The following AKR1A1 variants were observed in gnomAD, a reference collection of about 807,000 sequenced individuals.
AKR1A1 encodes the protein aldo-keto reductase family 1 member A1.
In AKR1A1, 26 loss-of-function variants were observed where a neutral mutation model predicts 39.2. The ratio of observed to expected loss-of-function variants is 0.66; its 90% CI spans 0.49 to 0.92. AKR1A1 has a LOEUF of 0.92. Among genes scored for constraint, AKR1A1 ranks in the 40% least tolerant of loss-of-function variants. The pLI, the probability that AKR1A1 is intolerant of heterozygous loss-of-function variation, is 0.00. For missense variants in AKR1A1, 378 were observed against 406.5 expected (o/e 0.93, Z 0.60); for synonymous variants, 141 against 155.5 (o/e 0.91, Z 0.69).
chr1:45,553,926 C>T (rs1043102550), intron 1 of AKR1A1, among the ~76,000 whole-genome samples: 3 of 151,516 alleles, frequency 2.0e-5, no homozygotes, highest in East Asian at 3.9e-4. Flanking sequence ...ACCCGGGAGG[C>T]GGAGCTTGCA....
At chr1:45,557,370 A>G (rs1644218701) in intron 1 of AKR1A1, among the ~76,000 whole-genome samples, 3 of 151,938 alleles carry the variant, frequency 2.0e-5, no homozygotes. Flanking sequence ...TTTCTGTCCT[A>G]GAGAAAAACA....
chr1:45,563,369 C>T (rs958989344), intron 2 of AKR1A1, among the ~76,000 whole-genome samples: 2 of 152,108 alleles, frequency 1.3e-5, no homozygotes, highest in African/African-American at 4.8e-5. Context: ...CACTGCACTC[C>T]AGCCTAGGCA....
chr1:45,566,077 C>T (rs1341724386), intron 2 of AKR1A1, among the ~76,000 whole-genome samples: 2 of 152,006 alleles, frequency 1.3e-5, no homozygotes, highest in Non-Finnish European at 2.9e-5. Context: ...GCTTCTGGTC[C>T]CTTAGACTGA....
intron 1 of AKR1A1, among the ~76,000 whole-genome samples, chr1:45,551,992 T>C (rs1644136965): frequency 6.6e-6 from 1 of 151,148 alleles, no homozygotes; most frequent in Non-Finnish European, 1.5e-5. Flanking sequence ...TATGTATGTA[T>C]GTATGTATGT....
At chr1:45,567,896 GT>G in intron 4 of AKR1A1, 85 bp from the exon 5 acceptor site, 4 of 1,297,942 alleles carry the variant, frequency 3.1e-6, no homozygotes, top group Non-Finnish European at 4.2e-6. Flanking sequence ...TGGGATTGGA[GT>G]TTGGGACATA....
chr1:45,556,099 ATT>A (rs888911865), intron 1 of AKR1A1, among the ~76,000 whole-genome samples: 1 of 152,126 alleles, frequency 6.6e-6, no homozygotes, highest in African/African-American at 2.4e-5. Context: ...TCATGTAGAT[ATT>A]GTTTCCTTTT....
intron 4 of AKR1A1, 44 bp from the exon 5 acceptor site, chr1:45,567,938 C>G (rs1204296270): frequency 6.5e-6 from 10 of 1,544,246 alleles, no homozygotes; most frequent in Non-Finnish European, 8.8e-6. Context: ...AGGGTAGAAG[C>G]CTGGCATTTG....
chr1:45,566,052 G>A (rs185822683), intron 2 of AKR1A1, among the ~76,000 whole-genome samples: 27 of 152,194 alleles, frequency 1.8e-4, no homozygotes, highest in Admixed American at 1.6e-3. Flanking sequence ...CAAAGGGTTT[G>A]GAGCCTCTGA....
intron 1 of AKR1A1, among the ~76,000 whole-genome samples, chr1:45,560,759 G>A (rs917186693): frequency 6.0e-5 from 8 of 132,922 alleles, no homozygotes; most frequent in East Asian, 4.3e-4. Flanking sequence ...ACAAAGTCTC[G>A]CTCTGTTGCC....
At chr1:45,568,885 A>G in intron 6 of AKR1A1, 42 bp from the exon 7 acceptor site, 1 of 1,601,974 alleles carries the variant, frequency 6.2e-7, no homozygotes, top group South Asian at 1.1e-5. Flanking sequence ...GTGCTTATGA[A>G]TACTGACCCC....
rs1016354032 is a variant in AKR1A1, at chr1:45,570,013, C to T, written c.*57C>T. 1.3e-6 allele frequency: 2 copies of T among 1,511,320 alleles called. No homozygotes were observed. The highest frequency in any genetic ancestry group is 2.3e-5 in the East Asian group (1 of 44,354). The allele number at this position is 1,511,320 out of a possible 1,614,324, so 93.6% of individuals were successfully genotyped here. A position where few individuals can be genotyped will look rare whatever the true frequency, so the allele number is the denominator to read the frequency against. ...TGCAGCTAATGAGGTCCTGCCACAACGGAAAGAGGGAGTTAATAAAGCCAT... is the reference window on the plus strand; with the variant it reads ...TGCAGCTAATGAGGTCCTGCCACAATGGAAAGAGGGAGTTAATAAAGCCAT... On this transcript the variant is annotated 3_prime_UTR_variant, in exon 9 of 9. Transcript: ENST00000351829.
At position 45,566,825 on chromosome 1, in the gene AKR1A1, G is replaced by A. The variant is rs760908508; in HGVS notation, c.205-44G>A. On this transcript the variant is annotated intron_variant, in intron 3 of 8. Coordinates refer to ENST00000351829, the MANE Select transcript of AKR1A1 (RefSeq NM_153326.3). ...CAGAGTTGAGGGTGGGTGAGACCACGTGCTCATGGCTCTTCTCACTGTGGG... is the reference window on the plus strand; with the variant it reads ...CAGAGTTGAGGGTGGGTGAGACCACATGCTCATGGCTCTTCTCACTGTGGG... The A allele has an allele frequency of 8.7e-6, 14 of 1,603,000 alleles. No homozygotes were observed. The East Asian group carries it at 1.1e-4, about 13-fold the overall frequency.
chr1:45,568,821 C>T, intron 6 of AKR1A1, 106 bp from the exon 7 acceptor site: 2 of 1,519,642 alleles, frequency 1.3e-6, no homozygotes, highest in South Asian at 1.1e-5. Context: ...TTTCCCATTT[C>T]AGCAGGGCTC....
intron 1 of AKR1A1, among the ~76,000 whole-genome samples, chr1:45,556,324 T>G (rs1570892661): frequency 6.6e-6 from 1 of 152,244 alleles, no homozygotes; most frequent in Admixed American, 6.5e-5. Flanking sequence ...GGCTCGCGCC[T>G]GTAATCCCAG....
chr1:45,567,848 G>T (rs1415784153), intron 4 of AKR1A1, 134 bp from the exon 5 acceptor site: 2 of 778,826 alleles, frequency 2.6e-6, no homozygotes, highest in Non-Finnish European at 3.9e-6. Context: ...AAAAGAAAAA[G>T]CATGGCTTTT....
intron 1 of AKR1A1, among the ~76,000 whole-genome samples, chr1:45,553,181 C>T (rs1644154485): frequency 6.6e-6 from 1 of 151,312 alleles, no homozygotes; most frequent in Non-Finnish European, 1.5e-5. Context: ...ACCAGCACTT[C>T]GGGAGGCTGA....
intron 1 of AKR1A1, among the ~76,000 whole-genome samples, chr1:45,555,043 G>C (rs1185704685): frequency 1.3e-5 from 2 of 152,100 alleles, no homozygotes; most frequent in Non-Finnish European, 2.9e-5. Context: ...ATGTTGTCTG[G>C]TTTGCTTTAA....
intron 1 of AKR1A1, among the ~76,000 whole-genome samples, chr1:45,560,514 G>A: frequency 6.6e-6 from 1 of 152,126 alleles, no homozygotes; most frequent in Non-Finnish European, 1.5e-5. Flanking sequence ...GAAGGGTGAG[G>A]CAGGAATATC....
intron 4 of AKR1A1, 27 bp downstream of exon 4, chr1:45,567,047 GGA>G: frequency 1.2e-6 from 2 of 1,609,542 alleles, no homozygotes; most frequent in Non-Finnish European, 1.7e-6. Flanking sequence ...CCTCATCTGG[GGA>G]ATCAGGGGGT....
Sources: allele counts gnomAD v4.1 joint callset (sites outside exome capture counted in the v4.1 genomes callset), GRCh38; gene constraint gnomAD v4.1.1; transcripts MANE v1.5; gene names NCBI Gene and HGNC (gene_info 2026-07-23, HGNC 2026-07-21).